The following ANKS1B variants were observed in gnomAD, a reference collection of about 807,000 sequenced individuals.
The protein encoded by ANKS1B is ankyrin repeat and sterile alpha motif domain containing 1B, also known as ankyrin repeat and sterile alpha motif domain-containing protein 1B.
ANKS1B carries 36 observed loss-of-function variants against 148.3 expected under a neutral mutation model. That is an observed-to-expected ratio of 0.24 (90% CI 0.19 to 0.32). The LOEUF is 0.32. ANKS1B is among the 10% of genes least tolerant of loss of function. The probability of loss-of-function intolerance (pLI) is 1.00; values close to 1 mark genes in which losing one functional copy is unlikely to be tolerated. For synonymous variants in ANKS1B, 542 were observed against 560.8 expected, an observed-to-expected ratio of 0.97 and a Z score of 0.47; for missense variants, 1,157 against 1,542.6, an observed-to-expected ratio of 0.75 and a Z score of 4.19.
chr12:98,795,944 G>A (rs1330213988), intron 22 of ANKS1B, among the ~76,000 whole-genome samples: 7 of 152,200 alleles, frequency 4.6e-5, no homozygotes, highest in Non-Finnish European at 1.0e-4. Flanking sequence ...CAGTTGTGCA[G>A]GGCAGGGTGT....
Position 98,953,537 on chromosome 12 carries a change from G to GTTTTTTTTTTTTTTTTTTT in ANKS1B, c.2778+99601_2778+99619dup, listed in dbSNP as rs1166158783. Among the ~76,000 whole-genome samples the GTTTTTTTTTTTTTTTTTTT allele has an allele frequency of 8.5e-4, 49 of 57,456 alleles. 8 individuals carry two copies. Among genetic ancestry groups the GTTTTTTTTTTTTTTTTTTT allele is most frequent in the East Asian group, 3.8e-3 (6 of 1,564 alleles). The allele number at this position is 57,456 out of a possible 152,430, so 37.7% of individuals were successfully genotyped here. On this transcript the variant is annotated intron_variant, in intron 17 of 26. Coordinates refer to ENST00000683438, the MANE Select transcript of ANKS1B (RefSeq NM_001352186.2). ...CATGTCCATTTGAGAATCTAGAGTG[G>GTTTTTTTTTTTTTTTTTTT]TTTTTTTTTTTTTTTTTTTTTTTTT...
At chr12:99,292,986 C>A (rs1214498443) in intron 12 of ANKS1B, among the ~76,000 whole-genome samples, 1 of 152,196 alleles carries the variant, frequency 6.6e-6, no homozygotes, top group African/African-American at 2.4e-5. Flanking sequence ...TTTGACCCAG[C>A]AATCCCATTA....
chr12:98,932,674 T>C (rs1318635604), intron 17 of ANKS1B, among the ~76,000 whole-genome samples: 2 of 152,322 alleles, frequency 1.3e-5, no homozygotes, highest in Non-Finnish European at 2.9e-5. Flanking sequence ...TAATTGTTAT[T>C]ACATACTTGT....
intron 1 of ANKS1B, among the ~76,000 whole-genome samples, chr12:99,958,326 T>C (rs759744276): frequency 1.3e-5 from 2 of 152,208 alleles, no homozygotes; most frequent in Non-Finnish European, 2.9e-5. Flanking sequence ...CCTCAAGTGA[T>C]GTGCCAAAGA....
chr12:99,359,820 C>T (rs182018573), intron 12 of ANKS1B, among the ~76,000 whole-genome samples: 74 of 152,146 alleles, frequency 4.9e-4, no homozygotes, highest in Admixed American at 1.7e-3. Flanking sequence ...GTGTAAACCA[C>T]GTTTAATTAT....
At chr12:99,486,455 C>CTTATTTAT (rs145790526) in intron 10 of ANKS1B, among the ~76,000 whole-genome samples, 56 of 146,934 alleles carry the variant, frequency 3.8e-4, no homozygotes, top group Admixed American at 1.4e-3. Context: ...ATGGCATGTG[C>CTTATTTAT]TTATTTATTT....
chr12:99,721,531 T>A (rs2058082134), intron 8 of ANKS1B, among the ~76,000 whole-genome samples: 1 of 152,208 alleles, frequency 6.6e-6, no homozygotes, highest in African/African-American at 2.4e-5. Context: ...ACTGAGCACC[T>A]TGTGACCTCC....
At chr12:99,738,523 T>G (rs2059813574) in intron 8 of ANKS1B, among the ~76,000 whole-genome samples, 1 of 152,158 alleles carries the variant, frequency 6.6e-6, no homozygotes, top group Admixed American at 6.6e-5. Flanking sequence ...TATCTTCCAT[T>G]TCTTTGAGAG....
intron 9 of ANKS1B, among the ~76,000 whole-genome samples, chr12:99,537,678 T>C (rs965260133): frequency 3.2e-4 from 48 of 152,330 alleles, no homozygotes; most frequent in African/African-American, 1.1e-3. Flanking sequence ...AATGAGTAGT[T>C]TGCAAATATT....
intron 17 of ANKS1B, among the ~76,000 whole-genome samples, chr12:98,930,057 C>T (rs966393811): frequency 2.6e-5 from 4 of 151,802 alleles, no homozygotes; most frequent in Non-Finnish European, 5.9e-5. Flanking sequence ...GTTTTCTATT[C>T]CAGGTATATA....
At chr12:99,262,198 C>A (rs2075994903) in intron 12 of ANKS1B, among the ~76,000 whole-genome samples, 1 of 152,056 alleles carries the variant, frequency 6.6e-6, no homozygotes, top group South Asian at 2.1e-4. Context: ...AATTCTTATT[C>A]CCTTCCCTGC....
intron 12 of ANKS1B, among the ~76,000 whole-genome samples, chr12:99,298,206 T>C (rs569187890): frequency 2.3e-4 from 35 of 152,188 alleles, no homozygotes; most frequent in Non-Finnish European, 4.4e-4. Context: ...TTATTGAATG[T>C]TTCCTACGTA....
At chr12:98,855,115 C>T (rs967441172) in intron 17 of ANKS1B, among the ~76,000 whole-genome samples, 5 of 150,228 alleles carry the variant, frequency 3.3e-5, no homozygotes, top group African/African-American at 7.4e-5. Flanking sequence ...GCTGAGATTG[C>T]GCCACTGCAG....
intron 1 of ANKS1B, among the ~76,000 whole-genome samples, chr12:99,885,240 A>T (rs2092758609): frequency 6.7e-6 from 1 of 150,300 alleles, no homozygotes; most frequent in African/African-American, 2.5e-5. Flanking sequence ...CCTAACTCAC[A>T]TTTTAAATCA....
chr12:99,862,374 C>T (rs1237393881), intron 1 of ANKS1B, among the ~76,000 whole-genome samples: 6 of 152,142 alleles, frequency 3.9e-5, no homozygotes, highest in Non-Finnish European at 1.5e-5. Flanking sequence ...TTTAAGGCAA[C>T]ATTTAAAGCA....
chr12:99,327,019 T>C lies in ANKS1B; in HGVS notation c.1756+72612A>G, dbSNP rs943483102. 2.2e-5 allele frequency among the ~76,000 whole-genome samples: 3 copies of C among 134,496 alleles called. No individual in the cohort carries two copies. In the East Asian group the frequency reaches 6.0e-4, roughly 27 times the overall value. The allele number at this position is 134,496 out of a possible 152,430, so 88.2% of individuals were successfully genotyped here. On this transcript the variant is annotated intron_variant, in intron 12 of 26. Coordinates refer to ENST00000683438, the MANE Select transcript of ANKS1B (RefSeq NM_001352186.2). ...TATAATACATAATTTATATATTATA[T>C]TATAATAAATATTATATATATTTAT...
intron 24 of ANKS1B, among the ~76,000 whole-genome samples, chr12:98,775,915 C>CTAGTTAAAA (rs1472508162): frequency 5.9e-5 from 9 of 152,196 alleles, no homozygotes; most frequent in African/African-American, 2.2e-4. Flanking sequence ...AAAGCTCATG[C>CTAGTTAAAA]TAGTTAAAAT....
intron 17 of ANKS1B, chr12:98,894,935 C>T (rs907397531): frequency 7.8e-6 from 7 of 900,346 alleles, no homozygotes; most frequent in Non-Finnish European, 9.3e-6. Flanking sequence ...CCCCACCCCC[C>T]GCCGCGCGCC....
chr12:99,245,844 A>G (rs761585200), intron 13 of ANKS1B, among the ~76,000 whole-genome samples: 3 of 152,216 alleles, frequency 2.0e-5, no homozygotes, highest in Non-Finnish European at 2.9e-5. Flanking sequence ...AACTTTATTT[A>G]CTATGAAGAT....
Sources: gnomAD v4.1 joint callset for allele counts (sites outside exome capture counted in the v4.1 genomes callset) on GRCh38, gnomAD v4.1.1 for gene constraint, MANE v1.5 for transcripts, NCBI Gene and HGNC (gene_info 2026-07-23, HGNC 2026-07-21) for gene names.